Variants in TMCO5A observed in about 807,000 individuals in gnomAD.
TMCO5A encodes the protein transmembrane and coiled-coil domains 5A, also known as transmembrane and coiled-coil domain-containing protein 5A.
In TMCO5A, 34 loss-of-function variants were observed where a neutral mutation model predicts 42.3. That is an observed-to-expected ratio of 0.80 (90% confidence interval 0.61 to 1.07). The LOEUF (loss-of-function observed/expected upper bound fraction) is 1.07, where lower values mean the gene tolerates loss of function less well. Ranked by LOEUF, TMCO5A falls within the 50% of genes least tolerant of loss-of-function variation. The pLI is 0.00. For synonymous variants in TMCO5A, 131 were observed against 115.6 expected (o/e 1.13, Z -0.86); for missense variants, 357 against 327.9 (o/e 1.09, Z -0.69).
the TMCO5A span, among the ~76,000 whole-genome samples, chr15:38,037,500 A>C: frequency 1.9e-3 from 284 of 152,314 alleles, 1 homozygote; most frequent in African/African-American, 6.5e-3. Context: ...TAAGGGGGCC[A>C]AGGACCTGTA....
chr15:37,982,494 C>CTATATATAATAGATATTATATATTATT, the TMCO5A span, among the ~76,000 whole-genome samples: 2 of 142,292 alleles, frequency 1.4e-5, no homozygotes, highest in Non-Finnish European at 3.0e-5. Flanking sequence ...TATATATTAT[C>CTATATATAATAGATATTATATATTATT]TATATATAAT....
At chr15:38,029,670 G>A in the TMCO5A span, among the ~76,000 whole-genome samples, 3 of 151,996 alleles carry the variant, frequency 2.0e-5, no homozygotes, top group Admixed American at 6.6e-5. Flanking sequence ...ATGTTGCCTC[G>A]AACTCCTGGG....
chr15:37,943,183 ATTTAAC>A (rs1036501115), intron 9 of TMCO5A, 152 bp from the exon 10 acceptor site: 1 of 594,326 alleles, frequency 1.7e-6, no homozygotes, highest in Non-Finnish European at 2.7e-6. Flanking sequence ...GAGGAAATTA[ATTTAAC>A]TTTAATTAAT....
chr15:37,997,160 G>A, the TMCO5A span, among the ~76,000 whole-genome samples: 10 of 152,018 alleles, frequency 6.6e-5, no homozygotes, highest in Admixed American at 1.3e-4. Context: ...CCTGGGAGAC[G>A]GCAACAATGA....
the TMCO5A span, among the ~76,000 whole-genome samples, chr15:37,985,079 A>G: frequency 4.0e-5 from 6 of 151,862 alleles, no homozygotes; most frequent in Non-Finnish European, 5.9e-5. Flanking sequence ...ACAGAACAGA[A>G]CATAGAATGG....
downstream of TMCO5A, among the ~76,000 whole-genome samples, chr15:37,953,754 T>G (rs1566921316): frequency 6.6e-6 from 1 of 152,028 alleles, no homozygotes; most frequent in African/African-American, 2.4e-5. Flanking sequence ...AACAGAGATA[T>G]GTGACCTTTC....
At position 37,936,311 on chromosome 15, in the gene TMCO5A, T is replaced by C. The variant is rs773031513; in HGVS notation, c.-10-3T>C. 7 of 1,606,724 alleles carry C rather than the reference T, an allele frequency of 4.4e-6. 1 individual carries two copies. The Admixed American group carries it at 1.0e-4, about 24-fold the overall frequency. ...TTGTTCATTTTGGGGGCTGAGTCTA[T>C]AGGTCGGAGAAAATGGAAATCTCAA... is the stretch of plus-strand genomic sequence containing the variant. On this transcript the variant is annotated splice_polypyrimidine_tract_variant and splice_region_variant and intron_variant, in intron 2 of 11. Coordinates refer to ENST00000319669, the MANE Select transcript of TMCO5A (RefSeq NM_152453.4).
the TMCO5A span, among the ~76,000 whole-genome samples, chr15:38,000,467 CTT>C: frequency 9.2e-4 from 139 of 151,694 alleles, no homozygotes; most frequent in African/African-American, 3.1e-3. Context: ...AAAAAACAAA[CTT>C]TTCATTTCAT....
the TMCO5A span, among the ~76,000 whole-genome samples, chr15:38,002,183 A>C: frequency 6.7e-6 from 1 of 150,254 alleles, no homozygotes; most frequent in Non-Finnish European, 1.5e-5. Context: ...ATATTTTCAC[A>C]GGGTATGCTA....
the TMCO5A span, among the ~76,000 whole-genome samples, chr15:37,982,044 G>A: frequency 6.6e-6 from 1 of 152,194 alleles, no homozygotes; most frequent in African/African-American, 2.4e-5. Context: ...ATTCATGTAA[G>A]TAAATTATAT....
At chr15:37,963,131 G>C (rs1333378474) in intron 11 of TMCO5A, among the ~76,000 whole-genome samples, 4 of 151,924 alleles carry the variant, frequency 2.6e-5, no homozygotes, top group African/African-American at 9.7e-5. Context: ...AGTTCCTTGA[G>C]GTGTGACCTT....
the TMCO5A span, among the ~76,000 whole-genome samples, chr15:38,030,890 G>T: frequency 1.3e-5 from 2 of 152,078 alleles, no homozygotes; most frequent in East Asian, 3.9e-4. Flanking sequence ...CTTTCGAAAT[G>T]ACCTCATAGA....
chr15:38,038,019 A>T, the TMCO5A span, among the ~76,000 whole-genome samples: 9,583 of 151,906 alleles, frequency 0.063, 374 homozygotes, highest in African/African-American at 0.1. Flanking sequence ...TCTCAAAAAA[A>T]AAAAATAAAA....
At chr15:37,953,922 A>C (rs893571265), downstream of TMCO5A, among the ~76,000 whole-genome samples, 1 of 152,040 alleles carries the variant, frequency 6.6e-6, no homozygotes, top group African/African-American at 2.4e-5. Context: ...AGCATAATGA[A>C]GAATACACCA....
chr15:37,943,640 TAA>T (rs1889835506), intron 10 of TMCO5A: 1 of 469,920 alleles, frequency 2.1e-6, no homozygotes, highest in Non-Finnish European at 3.8e-6. Flanking sequence ...GCCGAAGACC[TAA>T]GAGAACTCAG....
chr15:37,991,998 C>G, the TMCO5A span, among the ~76,000 whole-genome samples: 1 of 152,050 alleles, frequency 6.6e-6, no homozygotes, highest in African/African-American at 2.4e-5. Flanking sequence ...AAAAGCAAAA[C>G]TTGACAAATG....
At chr15:38,029,030 C>T in the TMCO5A span, among the ~76,000 whole-genome samples, 13 of 152,230 alleles carry the variant, frequency 8.5e-5, no homozygotes, top group Non-Finnish European at 1.3e-4. Context: ...TAGAGAAATG[C>T]TGTTATAACT....
chr15:37,936,513 GA>G, intron 3 of TMCO5A, 50 bp downstream of exon 3: 1 of 1,571,654 alleles, frequency 6.4e-7, no homozygotes, highest in Non-Finnish European at 8.6e-7. Context: ...AGAAGGGGTG[GA>G]GGACCAAAAC....
downstream of TMCO5A, among the ~76,000 whole-genome samples, chr15:37,952,541 T>C (rs1439894270): frequency 6.6e-6 from 1 of 152,136 alleles, no homozygotes; most frequent in Non-Finnish European, 1.5e-5. Flanking sequence ...CTGAAAAGCC[T>C]CTGGGCCCTA....
Sources: gnomAD v4.1 joint callset for allele counts (sites outside exome capture counted in the v4.1 genomes callset) on GRCh38, gnomAD v4.1.1 for gene constraint, MANE v1.5 for transcripts, NCBI Gene and HGNC (gene_info 2026-07-23, HGNC 2026-07-21) for gene names.